The following VTI1B variants were observed in gnomAD, a reference collection of about 807,000 sequenced individuals.
The protein encoded by VTI1B is vesicle transport through interaction with t-SNAREs 1B, also known as vesicle transport through interaction with t-SNAREs homolog 1B.
In VTI1B, 18 loss-of-function variants were observed where a neutral mutation model predicts 28.6. The observed-to-expected ratio is 0.63, with a 90% CI of 0.43 to 0.93. The LOEUF (loss-of-function observed/expected upper bound fraction) is 0.93, where lower values mean the gene tolerates loss of function less well. Among genes scored for constraint, VTI1B ranks in the 40% least tolerant of loss-of-function variants. VTI1B has a pLI of 0.00. For synonymous variants in VTI1B, 100 were observed against 107.9 expected (o/e 0.93, Z 0.46); for missense variants, 283 against 297.0 (o/e 0.95, Z 0.35).
At chr14:67,654,314 AGGT>A (rs1188164733) in intron 4 of VTI1B, among the ~76,000 whole-genome samples, 2 of 284 alleles carry the variant, frequency 7.0e-3, no homozygotes, top group Non-Finnish European at 0.018. Context: ...TATAGAGATG[AGGT>A]CTCGCTCTAG....
At chr14:67,660,070 G>C in intron 2 of VTI1B, 148 bp from the exon 3 acceptor site, 2 of 796,892 alleles carry the variant, frequency 2.5e-6, no homozygotes, top group South Asian at 3.9e-5. Flanking sequence ...GACCATGTCT[G>C]GCATGTTCCC....
Position 67,651,430 on chromosome 14 carries a change from G to A in VTI1B, c.654C>T (p.Ala218=). The part of the protein sequence containing the change: ...LLSIIILLEL[A]ILGGLVYYKF... ...TGTAGTAAACCAGGCCTCCCAGGAT[G>A]GCGAGCTCCAGTAAGATGATAATGG... is the stretch of plus-strand genomic sequence containing the variant. Residue 218 remains alanine (A), a synonymous_variant, in exon 6 of 6, where the codon GCC becomes GCT. Transcript: ENST00000554659. 6.2e-7 allele frequency: 1 copy of A among 1,614,052 alleles called. No individual in the cohort carries two copies. The highest frequency in any genetic ancestry group is 8.5e-7 in the Non-Finnish European group (1 of 1,179,920).
chr14:67,673,703 C>T (rs1325047177), intron 1 of VTI1B, among the ~76,000 whole-genome samples: 1 of 152,180 alleles, frequency 6.6e-6, no homozygotes. Context: ...AAGTTTTGTC[C>T]TTGCCATCAA....
chr14:67,674,587 GACCGCCGCACC>G lies in VTI1B; in HGVS notation c.-109_-99del, dbSNP rs2037511334. ...CGCCCAGCCCAGTGGCCATAACGGC[GACCGCCGCACC>G]ACCGCCGCCCAGGACGAGGCTCTTC... On this transcript the variant is annotated 5_prime_UTR_variant, in exon 1 of 6. Transcript: ENST00000554659. The G allele has an allele frequency of 5.9e-6, 6 of 1,009,348 alleles. No homozygotes were observed. Among genetic ancestry groups the G allele is most frequent in the African/African-American group, 1.7e-5 (1 of 58,734 alleles). The allele number at this position is 1,009,348 out of a possible 1,614,324, so 62.5% of individuals were successfully genotyped here.
At chr14:67,674,109 A>C (rs1263960168) in intron 1 of VTI1B, among the ~76,000 whole-genome samples, 3 of 152,258 alleles carry the variant, frequency 2.0e-5, no homozygotes, top group Non-Finnish European at 2.9e-5. Context: ...CAGATGCAAA[A>C]GCCCCTCTGC....
At chr14:67,673,328 A>T (rs910283715) in intron 1 of VTI1B, among the ~76,000 whole-genome samples, 1 of 152,102 alleles carries the variant, frequency 6.6e-6, no homozygotes, top group Non-Finnish European at 1.5e-5. Flanking sequence ...TGGGTGACAG[A>T]GTGAGACCCT....
At chr14:67,656,264 A>C (rs2140810688) in intron 4 of VTI1B, 152 bp downstream of exon 4, 5 of 741,280 alleles carry the variant, frequency 6.7e-6, no homozygotes, top group African/African-American at 5.5e-5. Context: ...AAAAAAAATT[A>C]ATAAATAAAA....
In VTI1B at chr14:67,674,490, G is replaced by A; in HGVS notation, c.-1C>T. ...CCGAGGAGGCGGCGGAGGAGGCCATGGCGCAGGCCGCGCTGGAGCAGCGGC... is the reference window on the plus strand; with the variant it reads ...CCGAGGAGGCGGCGGAGGAGGCCATAGCGCAGGCCGCGCTGGAGCAGCGGC... On this transcript the variant is annotated 5_prime_UTR_variant, in exon 1 of 6. Transcript: ENST00000554659. The A allele has an allele frequency of 6.2e-7, 1 of 1,600,082 alleles. No homozygotes were observed. Among genetic ancestry groups the A allele is most frequent in the South Asian group, 1.1e-5 (1 of 89,454 alleles).
At chr14:67,657,388 T>G (rs1302429476) in intron 3 of VTI1B, among the ~76,000 whole-genome samples, 1 of 152,122 alleles carries the variant, frequency 6.6e-6, no homozygotes, top group East Asian at 1.9e-4. Flanking sequence ...TCAGGGAAAT[T>G]AGTATCTGGG....
intron 1 of VTI1B, among the ~76,000 whole-genome samples, chr14:67,673,009 C>T (rs1357850050): frequency 6.6e-6 from 1 of 152,212 alleles, no homozygotes. Flanking sequence ...TCACTTCTCC[C>T]TGATTTCTGG....
intron 1 of VTI1B, among the ~76,000 whole-genome samples, chr14:67,664,784 G>A (rs536613466): frequency 2.8e-4 from 42 of 152,216 alleles, no homozygotes; most frequent in African/African-American, 8.7e-4. Context: ...CAGATGAGCC[G>A]GGCTTATGGA....
In VTI1B at chr14:67,647,939, G is replaced by A; in HGVS notation, c.*3446C>T. 9.2e-7 allele frequency: 1 copy of A among 1,084,380 alleles called. No individual in the cohort carries two copies. The highest frequency in any genetic ancestry group is 1.3e-6 in the Non-Finnish European group (1 of 756,936). The allele number at this position is 1,084,380 out of a possible 1,614,324, so 67.2% of individuals were successfully genotyped here. On this transcript the variant is annotated 3_prime_UTR_variant, in exon 6 of 6. Transcript: ENST00000554659. ...TAACAGCTTTATTAACAAAGTACTA[G>A]GACTAATAGCAACAAAATCAAGGAG...
At chr14:67,655,928 A>G (rs1661088450) in intron 4 of VTI1B, among the ~76,000 whole-genome samples, 2 of 152,136 alleles carry the variant, frequency 1.3e-5, no homozygotes. Flanking sequence ...TCTAAGGGAC[A>G]TCTCTCAGCC....
intron 3 of VTI1B, chr14:67,657,284 C>T (rs1479315417): frequency 1.3e-5 from 2 of 152,132 alleles, no homozygotes; most frequent in African/African-American, 2.4e-5. Flanking sequence ...CTGGAAAAAA[C>T]GTATGTGGTT....
intron 3 of VTI1B, 34 bp downstream of exon 3, chr14:67,659,697 G>GAA: frequency 2.8e-6 from 4 of 1,441,180 alleles, no homozygotes; most frequent in Non-Finnish European, 9.3e-7. Context: ...GCCCTTAAAG[G>GAA]AAAAAAAAAA....
rs776840694 is a variant in VTI1B at position 67,651,308 on chromosome 14, C to T, written c.*77G>A. The stretch of plus-strand genomic sequence containing the variant: ...ACTGTCAGCCCACAGCAGCAATATG[C>T]TTATTCTATCCACATCCCTAACATC... On this transcript the variant is annotated 3_prime_UTR_variant, in exon 6 of 6. Transcript: ENST00000554659. The T allele has an allele frequency of 1.1e-5, 18 of 1,608,158 alleles. No individual in the cohort carries two copies. In the South Asian group the frequency reaches 1.9e-4, roughly 17 times the overall value.
At chr14:67,666,465 A>G (rs1180032955) in intron 1 of VTI1B, among the ~76,000 whole-genome samples, 2 of 152,220 alleles carry the variant, frequency 1.3e-5, no homozygotes, top group Non-Finnish European at 2.9e-5. Context: ...ACTTCACTAC[A>G]TTTATGAGAT....
intron 1 of VTI1B, 64 bp downstream of exon 1, chr14:67,674,311 G>C (rs533637045): frequency 7.1e-6 from 10 of 1,409,090 alleles, no homozygotes; most frequent in South Asian, 1.3e-5. Flanking sequence ...AGGAAGGTGG[G>C]AGAATCTTCC....
rs2037388653 is a variant in VTI1B at position 67,665,338 on chromosome 14, C to A, written c.116-2803G>T. Among the ~76,000 whole-genome samples, 3 of 149,256 alleles carry A rather than the reference C, an allele frequency of 2.0e-5. No homozygotes were observed. In the Admixed American group the frequency reaches 2.0e-4, roughly 10 times the overall value. On this transcript the variant is annotated intron_variant, in intron 1 of 5. Transcript: ENST00000554659. ...TGATTACGGCTCACTGCAGCCTCGA[C>A]CTCCCAGGCTGAAGCAATCCTCCCA...
Sources: allele counts gnomAD v4.1 joint callset (sites outside exome capture counted in the v4.1 genomes callset), GRCh38; gene constraint gnomAD v4.1.1; transcripts MANE v1.5; gene names NCBI Gene and HGNC (gene_info 2026-07-23, HGNC 2026-07-21).